The following PSPC1 variants were observed in gnomAD, a reference collection of about 807,000 sequenced individuals.
PSPC1 encodes paraspeckle component 1.
PSPC1 carries 14 observed loss-of-function variants against 51.6 expected under a neutral mutation model. That is an observed-to-expected ratio of 0.27 (90% CI 0.18 to 0.42). The LOEUF is 0.42. Among genes scored for constraint, PSPC1 ranks in the 10% least tolerant of loss-of-function variants. PSPC1 has a pLI of 1.00. For missense variants in PSPC1, 406 were observed against 701.1 expected, an observed-to-expected ratio of 0.58 and a Z score of 4.75; for synonymous variants, 193 against 231.9, an observed-to-expected ratio of 0.83 and a Z score of 1.53.
chr13:19,698,641 A>G (rs1234240215), downstream of PSPC1, among the ~76,000 whole-genome samples: 1 of 151,882 alleles, frequency 6.6e-6, no homozygotes, highest in East Asian at 1.9e-4. Flanking sequence ...ATTTATGTGT[A>G]CAAGCAGAAT....
intron 6 of PSPC1, among the ~76,000 whole-genome samples, chr13:19,686,971 C>T (rs570013898): frequency 4.2e-4 from 64 of 152,006 alleles, no homozygotes; most frequent in Admixed American, 6.5e-4. Context: ...CCAAGGTGGG[C>T]GGATCATCTG....
At chr13:19,730,405 T>A in intron 5 of PSPC1, 61 bp from the exon 6 acceptor site, 1 of 1,421,370 alleles carries the variant, frequency 7.0e-7, no homozygotes, top group Non-Finnish European at 9.9e-7. Flanking sequence ...TTGGACATTT[T>A]ACTTCATGTA....
At chr13:19,765,295 C>G (rs536073536) in intron 2 of PSPC1, among the ~76,000 whole-genome samples, 133 of 149,750 alleles carry the variant, frequency 8.9e-4, no homozygotes, top group African/African-American at 3.1e-3. Flanking sequence ...TGCACTCCAC[C>G]CTGGGTGACA....
At chr13:19,690,031 A>T (rs1431099609) in intron 6 of PSPC1, among the ~76,000 whole-genome samples, 1 of 152,180 alleles carries the variant, frequency 6.6e-6, no homozygotes, top group Admixed American at 6.5e-5. Flanking sequence ...TCCACTCATA[A>T]ACAGGGACTC....
intron 5 of PSPC1, 52 bp downstream of exon 5, chr13:19,741,513 T>C (rs1300976445): frequency 1.5e-6 from 2 of 1,326,296 alleles, no homozygotes; most frequent in South Asian, 1.3e-5. Flanking sequence ...TTGTGGGGAG[T>C]TTTTATTAAT....
intron 5 of PSPC1, among the ~76,000 whole-genome samples, chr13:19,732,837 G>C (rs1884286775): frequency 6.6e-6 from 1 of 151,376 alleles, no homozygotes; most frequent in African/African-American, 2.4e-5. Context: ...TGACGCAGGA[G>C]AATCGCTTGA....
Position 19,772,335 on chromosome 13 carries a change from C to G in PSPC1, c.581G>C (p.Arg194Thr). 6.2e-7 allele frequency: 1 copy of G among 1,614,250 alleles called. No individual in the cohort carries two copies. Among genetic ancestry groups the G allele is most frequent in the Non-Finnish European group, 8.5e-7 (1 of 1,180,050 alleles). Residue 194 changes from arginine (R) to threonine (T), a missense_variant, in exon 2 of 9, where the codon AGA (arginine) becomes ACA (threonine). Coordinates refer to ENST00000338910, the MANE Select transcript of PSPC1 (RefSeq NM_001354909.2). Reference protein sequence around the residue: ...KAVVVVDDRGRATGKGFVEFA... With the variant: ...KAVVVVDDRGTATGKGFVEFA... ...CTCTACAAAACCTTTTCCTGTAGCT[C>G]TACCGCGATCATCCACAACCACAAC...
intron 6 of PSPC1, among the ~76,000 whole-genome samples, chr13:19,712,176 T>C (rs1006753213): frequency 2.0e-5 from 3 of 152,204 alleles, no homozygotes; most frequent in East Asian, 1.9e-4. Context: ...ATGGATTTCA[T>C]AGTCATGACT....
At chr13:19,743,515 G>T (rs1333376118) in intron 4 of PSPC1, among the ~76,000 whole-genome samples, 1 of 152,102 alleles carries the variant, frequency 6.6e-6, no homozygotes, top group East Asian at 1.9e-4. Context: ...TTATAAAGTT[G>T]CTCCAGCTAT....
At chr13:19,727,626 T>A (rs928683854) in intron 6 of PSPC1, among the ~76,000 whole-genome samples, 1 of 152,220 alleles carries the variant, frequency 6.6e-6, no homozygotes, top group Non-Finnish European at 1.5e-5. Flanking sequence ...AAATCTGTCA[T>A]TTAGTCCAAT....
At chr13:19,745,950 T>A (rs1348198429) in intron 4 of PSPC1, among the ~76,000 whole-genome samples, 3 of 152,108 alleles carry the variant, frequency 2.0e-5, no homozygotes, top group African/African-American at 7.2e-5. Flanking sequence ...TTATGTGATG[T>A]TTATCCTCTG....
intron 5 of PSPC1, among the ~76,000 whole-genome samples, chr13:19,733,260 G>A (rs1884351006): frequency 6.6e-6 from 1 of 152,180 alleles, no homozygotes; most frequent in African/African-American, 2.4e-5. Context: ...CTACTGGCAT[G>A]AAAGAATGTC....
chr13:19,756,890 G>A (rs1382495965), intron 3 of PSPC1, among the ~76,000 whole-genome samples: 1 of 152,030 alleles, frequency 6.6e-6, no homozygotes, highest in Non-Finnish European at 1.5e-5. Context: ...AGCACTCTGG[G>A]AGGCCAAGGC....
intron 3 of PSPC1, among the ~76,000 whole-genome samples, chr13:19,755,235 CAA>C (rs1164836477): frequency 2.3e-5 from 3 of 131,774 alleles, no homozygotes; most frequent in African/African-American, 2.8e-5. Context: ...GACCCTGTCT[CAA>C]AAAAAAAAAG....
chr13:19,720,908 T>C (rs1451558060), intron 6 of PSPC1, among the ~76,000 whole-genome samples: 3 of 152,142 alleles, frequency 2.0e-5, no homozygotes, highest in Non-Finnish European at 4.4e-5. Flanking sequence ...CTCAAATAAG[T>C]AAAAGCCTTT....
At chr13:19,673,088 GT>G (rs754426334), downstream of PSPC1, 34 of 292,990 alleles carry the variant, frequency 1.2e-4, no homozygotes, top group Middle Eastern at 3.7e-4. Context: ...AACCTATACG[GT>G]TTTTTTTTGT....
At chr13:19,749,706 T>TCGG (rs1886345254) in intron 4 of PSPC1, among the ~76,000 whole-genome samples, 1 of 150,584 alleles carries the variant, frequency 6.6e-6, no homozygotes, top group South Asian at 2.1e-4. Flanking sequence ...TGGCGTGATC[T>TCGG]CGGCTTACCG....
At chr13:19,763,764 G>A (rs1417024866) in intron 2 of PSPC1, among the ~76,000 whole-genome samples, 1 of 152,168 alleles carries the variant, frequency 6.6e-6, no homozygotes, top group Non-Finnish European at 1.5e-5. Context: ...GCCTTGGGAG[G>A]CCAAGGCAAG....
At chr13:19,767,702 G>C (rs1888206492) in intron 2 of PSPC1, among the ~76,000 whole-genome samples, 1 of 151,832 alleles carries the variant, frequency 6.6e-6, no homozygotes, top group Non-Finnish European at 1.5e-5. Context: ...AATGGTGCTG[G>C]AACAACTGGA....
Sources: allele counts gnomAD v4.1 joint callset (sites outside exome capture counted in the v4.1 genomes callset), GRCh38; gene constraint gnomAD v4.1.1; transcripts MANE v1.5; gene names NCBI Gene and HGNC (gene_info 2026-07-23, HGNC 2026-07-21).